Variants in CDH10 observed in about 807,000 individuals in gnomAD.
CDH10 encodes the protein cadherin-10.
Under a neutral mutation model 73.1 loss-of-function variants are expected in CDH10, and 30 were observed. That is an observed-to-expected ratio of 0.41 (90% CI 0.31 to 0.56). The LOEUF is 0.56. CDH10 is among the 20% of genes least tolerant of loss of function. The probability of loss-of-function intolerance (pLI) is 0.27; values close to 1 mark genes in which losing one functional copy is unlikely to be tolerated. For missense variants in CDH10, 815 were observed against 973.7 expected (o/e 0.84, Z 2.17); for synonymous variants, 345 against 348.2 (o/e 0.99, Z 0.10).
chr5:24,615,127 T>C (rs1297684005), intron 1 of CDH10, among the ~76,000 whole-genome samples: 1 of 152,178 alleles, frequency 6.6e-6, no homozygotes, highest in Non-Finnish European at 1.5e-5. Context: ...TCCAAACTCC[T>C]TTCTCACTGA....
At chr5:24,552,167 T>A (rs1453280308) in intron 2 of CDH10, among the ~76,000 whole-genome samples, 1 of 152,098 alleles carries the variant, frequency 6.6e-6, no homozygotes, top group African/African-American at 2.4e-5. Context: ...TGTCTTTCAC[T>A]ACAATTTTAC....
At chr5:24,513,433 T>A (rs1742993180) in intron 5 of CDH10, among the ~76,000 whole-genome samples, 1 of 152,092 alleles carries the variant, frequency 6.6e-6, no homozygotes, top group Non-Finnish European at 1.5e-5. Context: ...GCTGACTGTT[T>A]GTTGGGCTAT....
intron 2 of CDH10, among the ~76,000 whole-genome samples, chr5:24,564,510 T>A (rs534627055): frequency 3.9e-5 from 6 of 152,252 alleles, no homozygotes; most frequent in South Asian, 2.1e-4. Context: ...TGGCATGGCA[T>A]TCTTGGGTTC....
At chr5:24,550,550 A>C (rs2111949207) in intron 2 of CDH10, among the ~76,000 whole-genome samples, 1 of 152,314 alleles carries the variant, frequency 6.6e-6, no homozygotes, top group African/African-American at 2.4e-5. Context: ...TAATTCATTC[A>C]GCTGAAATCT....
chr5:24,490,521 T>C (rs1174171022), intron 11 of CDH10, among the ~76,000 whole-genome samples: 2 of 152,138 alleles, frequency 1.3e-5, no homozygotes, highest in African/African-American at 4.8e-5. Flanking sequence ...ATGATTTATC[T>C]ACCATAAGTA....
rs1483068862 is a variant in CDH10 at position 24,509,625 on chromosome 5, CA to C, written c.1196del (p.Val399GlyfsTer8). The C allele has an allele frequency of 6.2e-7, 1 of 1,613,450 alleles. No homozygotes were observed. Among genetic ancestry groups the C allele is most frequent in the East Asian group, 2.2e-5 (1 of 44,864 alleles). On this transcript the variant is annotated frameshift_variant, in exon 7 of 12. Transcript: ENST00000264463. LOFTEE classifies it high-confidence loss of function. ...CCATTACAGTACCAATGATTGTGCC[CA>C]CTTCAATATCTTCATGAACTTCAAA... ...YLFEVHEDIE[V>X]GTIIGTVMAR...
intron 2 of CDH10, among the ~76,000 whole-genome samples, chr5:24,569,805 C>A (rs1042827830): frequency 1.3e-5 from 2 of 151,730 alleles, no homozygotes; most frequent in African/African-American, 2.4e-5. Context: ...CTCTGTCGCC[C>A]AGGCTGGAGT....
At chr5:24,616,250 G>A (rs1164368649) in intron 1 of CDH10, among the ~76,000 whole-genome samples, 1 of 152,064 alleles carries the variant, frequency 6.6e-6, no homozygotes, top group African/African-American at 2.4e-5. Context: ...ATATTTAAAT[G>A]TTCATTAATT....
intron 5 of CDH10, among the ~76,000 whole-genome samples, chr5:24,515,309 G>A (rs1474110106): frequency 6.6e-6 from 1 of 152,066 alleles, no homozygotes; most frequent in Non-Finnish European, 1.5e-5. Flanking sequence ...CAGTTTTCAA[G>A]GAATATTTAT....
chr5:24,490,162 A>G (rs1482375167), intron 11 of CDH10, among the ~76,000 whole-genome samples: 1 of 152,120 alleles, frequency 6.6e-6, no homozygotes. Flanking sequence ...TTTTAATTAC[A>G]TATTTTAATA....
chr5:24,640,108 T>C (rs1747996578), intron 1 of CDH10, among the ~76,000 whole-genome samples: 1 of 151,798 alleles, frequency 6.6e-6, no homozygotes, highest in Admixed American at 6.6e-5. Flanking sequence ...ATATAATGTA[T>C]AATGTGGCAG....
intron 2 of CDH10, among the ~76,000 whole-genome samples, chr5:24,567,138 A>C (rs1745191782): frequency 6.6e-6 from 1 of 151,914 alleles, no homozygotes; most frequent in Non-Finnish European, 1.5e-5. Context: ...CAAATAAAAA[A>C]CTACATTACA....
At chr5:24,628,548 A>T (rs1747586743) in intron 1 of CDH10, among the ~76,000 whole-genome samples, 2 of 152,108 alleles carry the variant, frequency 1.3e-5, no homozygotes, top group South Asian at 4.1e-4. Flanking sequence ...GTGTATATTA[A>T]CACCAACAGC....
At chr5:24,524,752 AG>A (rs1342914668) in intron 5 of CDH10, among the ~76,000 whole-genome samples, 1 of 152,120 alleles carries the variant, frequency 6.6e-6, no homozygotes, top group Non-Finnish European at 1.5e-5. Context: ...GTATTGAAAA[AG>A]TAAAAATCTA....
At chr5:24,616,744 A>G (rs1418637017) in intron 1 of CDH10, among the ~76,000 whole-genome samples, 1 of 152,162 alleles carries the variant, frequency 6.6e-6, no homozygotes, top group Non-Finnish European at 1.5e-5. Flanking sequence ...TCATATTTCT[A>G]TTAGACCACT....
At position 24,545,622 on chromosome 5, in the gene CDH10, C is replaced by G. The variant is rs374626058; in HGVS notation, c.232-7948G>C. 3.9e-5 allele frequency among the ~76,000 whole-genome samples: 6 copies of G among 152,036 alleles called. No homozygotes were observed. In the East Asian group the frequency reaches 1.2e-3, roughly 30 times the overall value. ...TTGAGGCCAGGAGATCAAGACCAGTCTAGGCAACACAGACTCCTCTCTACA... is the reference window on the plus strand; with the variant it reads ...TTGAGGCCAGGAGATCAAGACCAGTGTAGGCAACACAGACTCCTCTCTACA... On this transcript the variant is annotated intron_variant, in intron 2 of 11. Transcript: ENST00000264463.
chr5:24,523,483 C>T (rs939709384), intron 5 of CDH10, among the ~76,000 whole-genome samples: 12 of 151,866 alleles, frequency 7.9e-5, no homozygotes, highest in South Asian at 2.1e-4. Context: ...TGTTCTCTCC[C>T]GAAAGAGACA....
intron 1 of CDH10, among the ~76,000 whole-genome samples, chr5:24,641,694 G>A (rs182387368): frequency 5.3e-5 from 8 of 151,996 alleles, no homozygotes; most frequent in Admixed American, 1.3e-4. Flanking sequence ...TTAGTATAAC[G>A]CTTAATCAAT....
chr5:24,555,529 C>T (rs890055789), intron 2 of CDH10, among the ~76,000 whole-genome samples: 3 of 152,100 alleles, frequency 2.0e-5, no homozygotes, highest in African/African-American at 7.2e-5. Context: ...TCTCTTGCCC[C>T]CTCGTTCATG....
Sources: gnomAD v4.1 joint callset for allele counts (sites outside exome capture counted in the v4.1 genomes callset) on GRCh38, gnomAD v4.1.1 for gene constraint, MANE v1.5 for transcripts, NCBI Gene and HGNC (gene_info 2026-07-23, HGNC 2026-07-21) for gene names.